SGCD: variants seen among roughly 807,000 people sequenced by gnomAD.
SGCD encodes delta-sarcoglycan.
A neutral mutation model predicts 36.6 loss-of-function variants in SGCD; 18 were observed. That is an observed-to-expected ratio of 0.49 (90% CI 0.34 to 0.73). SGCD has a LOEUF of 0.73. SGCD is among the 30% of genes least tolerant of loss of function. SGCD has a pLI of 0.01. For missense variants in SGCD, 387 were observed against 346.7 expected, an observed-to-expected ratio of 1.12 and a Z score of -0.92; for synonymous variants, 133 against 130.6, an observed-to-expected ratio of 1.02 and a Z score of -0.12.
intron 1 of SGCD, among the ~76,000 whole-genome samples, chr5:155,892,777 T>C (rs1756166507): frequency 6.6e-6 from 1 of 152,244 alleles, no homozygotes; most frequent in Non-Finnish European, 1.5e-5. Context: ...TAGTATTACA[T>C]TGTGTATATA....
chr5:156,703,872 C>G (rs1442660064), intron 7 of SGCD, among the ~76,000 whole-genome samples: 1 of 151,914 alleles, frequency 6.6e-6, no homozygotes, highest in Non-Finnish European at 1.5e-5. Flanking sequence ...GCTTTTGTGG[C>G]TCAGTGTGTA....
At chr5:155,805,993 G>C in the SGCD span, among the ~76,000 whole-genome samples, 106 of 152,312 alleles carry the variant, frequency 7.0e-4, no homozygotes, top group Non-Finnish European at 1.5e-3. Context: ...CTAAGATGGG[G>C]AGGAGGTCAG....
chr5:155,970,134 T>C (rs1030906911), intron 1 of SGCD, among the ~76,000 whole-genome samples: 2 of 152,042 alleles, frequency 1.3e-5, no homozygotes, highest in Non-Finnish European at 2.9e-5. Flanking sequence ...CTAGAGGGAT[T>C]GGGTGTGAGA....
chr5:156,696,700 G>A (rs1326911577), intron 7 of SGCD, among the ~76,000 whole-genome samples: 3 of 151,960 alleles, frequency 2.0e-5, no homozygotes, highest in Non-Finnish European at 4.4e-5. Flanking sequence ...AGTAGAGATG[G>A]GGTTTTGCCA....
chr5:156,638,731 T>G (rs986732049), intron 6 of SGCD, among the ~76,000 whole-genome samples: 5 of 152,192 alleles, frequency 3.3e-5, no homozygotes, highest in Non-Finnish European at 7.3e-5. Flanking sequence ...TTTGGCTTAA[T>G]GATACACTGA....
intron 1 of SGCD, among the ~76,000 whole-genome samples, chr5:155,973,932 A>G (rs553541019): frequency 6.6e-5 from 10 of 152,256 alleles, no homozygotes; most frequent in African/African-American, 1.9e-4. Context: ...CTGGCCTCCA[A>G]TGTAGGTGCT....
intron 1 of SGCD, among the ~76,000 whole-genome samples, chr5:155,989,404 T>C (rs1206557817): frequency 6.6e-6 from 1 of 152,204 alleles, no homozygotes; most frequent in African/African-American, 2.4e-5. Flanking sequence ...TCTTAATTCA[T>C]GGGCCATACA....
At chr5:156,129,983 T>C (rs570029901) in intron 3 of SGCD, among the ~76,000 whole-genome samples, 11 of 152,374 alleles carry the variant, frequency 7.2e-5, no homozygotes, top group African/African-American at 2.4e-4. Context: ...TAGAATTATT[T>C]ATATTCCTCT....
At chr5:156,450,779 A>G (rs1753973262) in intron 3 of SGCD, among the ~76,000 whole-genome samples, 1 of 152,144 alleles carries the variant, frequency 6.6e-6, no homozygotes, top group Non-Finnish European at 1.5e-5. Flanking sequence ...GGTAGCTGGA[A>G]CTTAACATAG....
At chr5:155,909,710 G>A (rs1457792766) in intron 1 of SGCD, among the ~76,000 whole-genome samples, 1 of 151,976 alleles carries the variant, frequency 6.6e-6, no homozygotes, top group Non-Finnish European at 1.5e-5. Context: ...TGAGTGAGAG[G>A]CACATGAATT....
At chr5:156,532,481 G>A (rs1298016062) in intron 4 of SGCD, among the ~76,000 whole-genome samples, 1 of 152,042 alleles carries the variant, frequency 6.6e-6, no homozygotes, top group African/African-American at 2.4e-5. Flanking sequence ...ATTTATTTGA[G>A]ATGGAGTTTT....
intron 3 of SGCD, among the ~76,000 whole-genome samples, chr5:156,250,649 T>G (rs1483034327): frequency 1.3e-5 from 2 of 152,310 alleles, no homozygotes; most frequent in East Asian, 3.9e-4. Flanking sequence ...TCACCAACTT[T>G]CCGATTCTGT....
intron 3 of SGCD, among the ~76,000 whole-genome samples, chr5:156,409,108 G>A (rs1772598433): frequency 6.6e-6 from 1 of 152,152 alleles, no homozygotes; most frequent in African/African-American, 2.4e-5. Flanking sequence ...CTTTGACTCT[G>A]CATCTTAAGC....
At chr5:156,732,315 A>G (rs1756121587) in intron 7 of SGCD, among the ~76,000 whole-genome samples, 1 of 151,800 alleles carries the variant, frequency 6.6e-6, no homozygotes, top group Non-Finnish European at 1.5e-5. Flanking sequence ...ACATGAATGG[A>G]TGTTGAATTT....
chr5:156,127,872 A>C lies in SGCD; in HGVS notation c.-44+3853A>C, dbSNP rs796244316. On this transcript the variant is annotated intron_variant, in intron 3 of 9. Coordinates refer to the SGCD transcript ENST00000517913. ...ATAAATGCAAAAAAAAAAAAAAAAA[A>C]AAAAAAAACCCACCAGAGATCTCCT... is the stretch of plus-strand genomic sequence containing the variant. Among the ~76,000 whole-genome samples the C allele has an allele frequency of 3.4e-4, 51 of 149,542 alleles. 2 individuals are homozygous for C. The highest frequency in any genetic ancestry group is 1.1e-3 in the African/African-American group (44 of 41,242).
At chr5:156,021,402 C>G (rs1485786949) in intron 1 of SGCD, among the ~76,000 whole-genome samples, 1 of 152,122 alleles carries the variant, frequency 6.6e-6, no homozygotes. Flanking sequence ...AACCTGTAGT[C>G]TCATCTACTT....
At chr5:155,988,079 C>T (rs1001134135) in intron 1 of SGCD, among the ~76,000 whole-genome samples, 4 of 152,144 alleles carry the variant, frequency 2.6e-5, no homozygotes, top group African/African-American at 9.7e-5. Context: ...GTTCCACAGC[C>T]AGTCAGTGGC....
chr5:156,059,388 G>A lies in SGCD; in HGVS notation c.-281-58490G>A, dbSNP rs575360208. On this transcript the variant is annotated intron_variant, in intron 1 of 9. Coordinates refer to the SGCD transcript ENST00000517913. Reference sequence around the variant, plus strand: ...GCCTCCAAGAACTAAGAACTTGAGGGTTGGAGGAGAAAGATTTGGGGAATC... The same window carrying A: ...GCCTCCAAGAACTAAGAACTTGAGGATTGGAGGAGAAAGATTTGGGGAATC... Among the ~76,000 whole-genome samples, 5 of 146,656 alleles carry A rather than the reference G, an allele frequency of 3.4e-5. No individual in the cohort carries two copies. In the East Asian group the frequency reaches 7.7e-4, roughly 23 times the overall value.
chr5:155,966,113 T>G (rs1279161481), intron 1 of SGCD, among the ~76,000 whole-genome samples: 1 of 152,104 alleles, frequency 6.6e-6, no homozygotes, highest in African/African-American at 2.4e-5. Flanking sequence ...TAGGAGTGTG[T>G]CGATGCTGAG....
Sources: allele counts gnomAD v4.1 joint callset (sites outside exome capture counted in the v4.1 genomes callset), GRCh38; gene constraint gnomAD v4.1.1; transcripts MANE v1.5; gene names NCBI Gene and HGNC (gene_info 2026-07-23, HGNC 2026-07-21).